Variants in TRDN observed in about 807,000 individuals in gnomAD.
The protein encoded by TRDN is triadin in skeletal muscle.
TRDN carries 161 observed loss-of-function variants against 149.7 expected under a neutral mutation model. The ratio of observed to expected loss-of-function variants is 1.08; its 90% CI spans 0.95 to 1.23. The LOEUF (loss-of-function observed/expected upper bound fraction) is 1.23, where lower values mean the gene tolerates loss of function less well. Ranked by LOEUF, TRDN falls within the 50% of genes most tolerant of loss-of-function variation. TRDN has a pLI of 0.00. For missense variants in TRDN, 896 were observed against 823.5 expected (o/e 1.09, Z -1.08); for synonymous variants, 294 against 250.5 (o/e 1.17, Z -1.64).
At chr6:123,290,026 A>G (rs1777946941) in intron 24 of TRDN, among the ~76,000 whole-genome samples, 1 of 152,078 alleles carries the variant, frequency 6.6e-6, no homozygotes, top group South Asian at 2.1e-4. Flanking sequence ...TGGACCCAAG[A>G]CCCAGTGGAA....
intron 20 of TRDN, among the ~76,000 whole-genome samples, chr6:123,355,111 T>C (rs1780611528): frequency 6.6e-6 from 1 of 151,570 alleles, no homozygotes; most frequent in Non-Finnish European, 1.5e-5. Context: ...TTTTGCCTAA[T>C]TTTTTAATGT....
At chr6:123,465,582 C>CAAAAA (rs1223948612) in intron 9 of TRDN, among the ~76,000 whole-genome samples, 32 of 65,468 alleles carry the variant, frequency 4.9e-4, no homozygotes, top group Admixed American at 9.0e-4. Flanking sequence ...TTATGAACTG[C>CAAAAA]AAAAAAAAAA....
intron 38 of TRDN, among the ~76,000 whole-genome samples, chr6:123,251,571 C>T (rs1776374140): frequency 1.3e-5 from 2 of 151,482 alleles, no homozygotes; most frequent in East Asian, 3.9e-4. Context: ...ATTAAAATAA[C>T]ATATTAAAAT....
At chr6:123,591,235 A>G (rs1783765088) in intron 1 of TRDN, among the ~76,000 whole-genome samples, 1 of 152,068 alleles carries the variant, frequency 6.6e-6, no homozygotes, top group African/African-American at 2.4e-5. Flanking sequence ...TATTTGTTTT[A>G]CCTGAACCCA....
chr6:123,461,042 T>C (rs1231201159), intron 10 of TRDN, among the ~76,000 whole-genome samples: 2 of 152,150 alleles, frequency 1.3e-5, no homozygotes, highest in South Asian at 4.1e-4. Flanking sequence ...ATTTAACCAC[T>C]GGGCAAAGCT....
At chr6:123,347,541 G>A (rs970077121) in intron 21 of TRDN, among the ~76,000 whole-genome samples, 14 of 151,880 alleles carry the variant, frequency 9.2e-5, no homozygotes, top group Non-Finnish European at 1.3e-4. Context: ...GTAATGTAAA[G>A]TATCAGCAAA....
chr6:123,331,913 T>C lies in TRDN; in HGVS notation c.1437A>G (p.Lys479=). 1 of 1,547,788 alleles carries C rather than the reference T, an allele frequency of 6.5e-7. No individual in the cohort carries two copies. Among genetic ancestry groups the C allele is most frequent in the East Asian group, 2.4e-5 (1 of 42,396 alleles). ...TTAGGGAAGCTGGAACTTTCTCTTC[T>C]TTCCCTTTAATAGGTTCTGAAAAGA... ...ILKDKEPIKG[K]EEKVPASLKE... is the part of the protein sequence containing the mutation. Residue 479 remains lysine (K), a synonymous_variant, in exon 23 of 41, where the codon AAA becomes AAG. Coordinates refer to ENST00000334268, the MANE Select transcript of TRDN (RefSeq NM_006073.4).
chr6:123,316,192 G>A (rs1267731593), intron 24 of TRDN, among the ~76,000 whole-genome samples: 1 of 151,854 alleles, frequency 6.6e-6, no homozygotes, highest in Admixed American at 6.6e-5. Flanking sequence ...TAAACAAAGA[G>A]CAGCGTATGT....
intron 36 of TRDN, among the ~76,000 whole-genome samples, chr6:123,255,561 A>G (rs764369037): frequency 2.6e-5 from 4 of 152,196 alleles, no homozygotes; most frequent in African/African-American, 4.8e-5. Context: ...TTGCCAAATA[A>G]ATAAACCCAA....
chr6:123,548,465 T>G lies in TRDN; in HGVS notation c.380A>C (p.Asp127Ala), dbSNP rs1183626873. ...EDEEDDDGDE[D>A]TDKGEIDEPP... is the part of the protein sequence containing the mutation. ...TATGTTCTTTGTACCTTTATCAGTA[T>G]CTTCGTCACCATCATCATCTTCTTC... Residue 127 changes from aspartate (D) to alanine (A), a missense_variant, in exon 3 of 41, where the codon GAT becomes GCT. By Grantham distance (126) the Asp-to-Ala change is moderately radical. Transcript: ENST00000334268. 6.4e-7 allele frequency: 1 copy of G among 1,567,040 alleles called. No individual in the cohort carries two copies. Among genetic ancestry groups the G allele is most frequent in the South Asian group, 1.2e-5 (1 of 82,212 alleles).
At chr6:123,352,458 C>A in intron 21 of TRDN, 81 bp downstream of exon 21, 1 of 1,575,612 alleles carries the variant, frequency 6.3e-7, no homozygotes, top group Non-Finnish European at 8.6e-7. Context: ...TTGTCTTCCG[C>A]CTGTCTGAAT....
intron 12 of TRDN, among the ~76,000 whole-genome samples, chr6:123,417,744 G>T (rs913831525): frequency 6.6e-6 from 1 of 152,116 alleles, no homozygotes. Flanking sequence ...CTGCCCTAAA[G>T]CCTTCAGGGC....
chr6:123,275,860 T>C lies in TRDN; in HGVS notation c.1568-1190A>G, dbSNP rs144339811. Among the ~76,000 whole-genome samples the C allele has an allele frequency of 2.6e-4, 39 of 152,276 alleles. 1 individual carries two copies. The highest frequency in any genetic ancestry group is 8.4e-4 in the African/African-American group (35 of 41,574). ...CTTAGTCCATTTTGTGCTGCTATAA[T>C]AGAATATCACAGACTGGGTAATTTA... On this transcript the variant is annotated intron_variant, in intron 26 of 40. Transcript: ENST00000334268.
At chr6:123,441,708 T>C (rs952989243) in intron 10 of TRDN, among the ~76,000 whole-genome samples, 3 of 152,222 alleles carry the variant, frequency 2.0e-5, no homozygotes, top group African/African-American at 7.2e-5. Flanking sequence ...TTTTATGCCA[T>C]CTCAAAGCCA....
In TRDN at chr6:123,542,433, C is replaced by T. The variant is rs111533368; in HGVS notation, c.424+4907G>A. 3.9e-5 allele frequency among the ~76,000 whole-genome samples: 6 copies of T among 152,276 alleles called. No homozygotes were observed. The East Asian group carries it at 5.8e-4, about 15-fold the overall frequency. ...AAATATGCATAACTCTGAATGACTA[C>T]GATTATTCTTTCTTAACTTTAAAGC... On this transcript the variant is annotated intron_variant, in intron 4 of 40. Coordinates refer to ENST00000334268, the MANE Select transcript of TRDN (RefSeq NM_006073.4).
At chr6:123,419,431 C>G (rs1401383885) in intron 12 of TRDN, among the ~76,000 whole-genome samples, 1 of 152,024 alleles carries the variant, frequency 6.6e-6, no homozygotes, top group Non-Finnish European at 1.5e-5. Context: ...GGCTGGAGTA[C>G]AGTGGTGTGA....
intron 38 of TRDN, among the ~76,000 whole-genome samples, chr6:123,251,213 C>CA (rs111380222): frequency 8.5e-4 from 129 of 152,164 alleles, no homozygotes; most frequent in African/African-American, 3.1e-3. Context: ...CACCTGTAAT[C>CA]AAAGACCTTT....
At chr6:123,529,008 G>A (rs1427024514) in intron 5 of TRDN, 1 of 1,321,822 alleles carries the variant, frequency 7.6e-7, no homozygotes, top group Non-Finnish European at 9.7e-7. Context: ...AATTATGGAA[G>A]ACTTGCTAGT....
At chr6:123,534,741 G>T (rs138728389) in intron 4 of TRDN, among the ~76,000 whole-genome samples, 24 of 152,178 alleles carry the variant, frequency 1.6e-4, no homozygotes, top group African/African-American at 5.5e-4. Context: ...GTTAATACTA[G>T]CTTCTGGTTA....
Sources: allele counts gnomAD v4.1 joint callset (sites outside exome capture counted in the v4.1 genomes callset), GRCh38; gene constraint gnomAD v4.1.1; transcripts MANE v1.5; gene names NCBI Gene and HGNC (gene_info 2026-07-23, HGNC 2026-07-21).